CCDC9: variants seen among roughly 807,000 people sequenced by gnomAD.
The protein encoded by CCDC9 is coiled-coil domain containing 9.
In CCDC9, 52 loss-of-function variants were observed where a neutral mutation model predicts 65.6. That is an observed-to-expected ratio of 0.79 (90% CI 0.63 to 1.00). The LOEUF is 1.00. CCDC9 is among the 50% of genes least tolerant of loss of function. The pLI, the probability that CCDC9 is intolerant of heterozygous loss-of-function variation, is 0.00. For synonymous variants in CCDC9, 332 were observed against 280.3 expected (o/e 1.18, Z -1.84); for missense variants, 834 against 757.2 (o/e 1.10, Z -1.19).
intron 3 of CCDC9, 35 bp from the exon 4 acceptor site, chr19:47,260,286 C>T: frequency 6.8e-7 from 1 of 1,471,386 alleles, no homozygotes; most frequent in South Asian, 1.2e-5. Flanking sequence ...AGACAGGGCA[C>T]CTGATGCTTC....
At chr19:47,257,707 G>C (rs1046956371) in intron 1 of CCDC9, 10 of 153,388 alleles carry the variant, frequency 6.5e-5, no homozygotes, top group Admixed American at 1.3e-4. Flanking sequence ...GGAGGCTGTC[G>C]ACCTTCCGTA....
downstream of CCDC9, chr19:47,271,965 C>T (rs370986544): frequency 2.0e-4 from 257 of 1,273,938 alleles, 4 homozygotes; most frequent in South Asian, 7.0e-3. Flanking sequence ...GACATTCCCC[C>T]AGGTGTGTCC....
rs746173971 is a variant in CCDC9, at chr19:47,271,689, CTGTGTGTGTGTG to C, written c.*44_*55del. 237 of 1,127,750 alleles carry C rather than the reference CTGTGTGTGTGTG, an allele frequency of 2.1e-4. No individual in the cohort carries two copies. The highest frequency in any genetic ancestry group is 2.6e-4 in the Non-Finnish European group (210 of 804,478). The allele number at this position is 1,127,750 out of a possible 1,614,324, so 69.9% of individuals were successfully genotyped here. Reference sequence around the variant, plus strand: ...TTTGAGAGTGTATGAAGCTGGCTGCCTGTGTGTGTGTGTGTGTGTGTGTGTGTGTGTGTGTGT... The same window carrying C: ...TTTGAGAGTGTATGAAGCTGGCTGCCTGTGTGTGTGTGTGTGTGTGTGTGT... On this transcript the variant is annotated 3_prime_UTR_variant, in exon 12 of 12. Transcript: ENST00000221922.
intron 8 of CCDC9, 53 bp downstream of exon 8, chr19:47,266,845 A>T (rs758519801): frequency 1.9e-6 from 3 of 1,553,340 alleles, no homozygotes; most frequent in Non-Finnish European, 2.6e-6. Flanking sequence ...CTTGGCCCTG[A>T]CTTCTAAGTC....
chr19:47,261,664 A>C (rs1460223169), intron 5 of CCDC9, among the ~76,000 whole-genome samples: 3 of 144,862 alleles, frequency 2.1e-5, no homozygotes, highest in Non-Finnish European at 4.5e-5. Flanking sequence ...GTGAGCCGAG[A>C]TCATGCCACT....
chr19:47,264,929 C>T lies in CCDC9; in HGVS notation c.703C>T (p.Leu235Phe), dbSNP rs752063406. The change falls in exon 7 of 12, where the codon CTT becomes TTT. Residue 235 changes from leucine (L) to phenylalanine (F), a missense_variant. Physicochemically the swap from Leu to Phe is conservative, Grantham distance 22. Transcript: ENST00000221922. ...CGACTTCGAGCGGGTGCGCTGTGGCCTTGAGCACGAGCGGCAGGTGGGTGT... is the reference window on the plus strand; with the variant it reads ...CGACTTCGAGCGGGTGCGCTGTGGCTTTGAGCACGAGCGGCAGGTGGGTGT... ...GPDFERVRCG[L>F]EHERQGRRAG... 1.6e-5 allele frequency: 23 copies of T among 1,453,310 alleles called. No homozygotes were observed. Among genetic ancestry groups the T allele is most frequent in the Non-Finnish European group, 1.9e-5 (21 of 1,106,762 alleles). 90.0% of individuals were successfully genotyped at this position (1,453,310 alleles called of 1,614,324 possible). A position where few individuals can be genotyped will look rare whatever the true frequency, so the allele number is the denominator to read the frequency against.
At chr19:47,267,816 C>G (rs2059092384) in intron 8 of CCDC9, among the ~76,000 whole-genome samples, 1 of 152,084 alleles carries the variant, frequency 6.6e-6, no homozygotes, top group Admixed American at 6.6e-5. Flanking sequence ...ACTCAGATCC[C>G]TGAATGTCTC....
chr19:47,273,858 G>T (rs1373995053), downstream of CCDC9: 1 of 432,730 alleles, frequency 2.3e-6, no homozygotes. Context: ...GTTTCTGGAG[G>T]GGGCAGGCTG....
chr19:47,264,470 TGA>T (rs2059067072), intron 5 of CCDC9, 131 bp from the exon 6 acceptor site: 1 of 810,746 alleles, frequency 1.2e-6, no homozygotes, highest in African/African-American at 1.7e-5. Context: ...TGGAGCACGC[TGA>T]GAGCAAATGG....
downstream of CCDC9, chr19:47,272,236 G>C (rs1402681315): frequency 1.0e-5 from 10 of 998,872 alleles, no homozygotes; most frequent in South Asian, 3.5e-4. Flanking sequence ...AGAGGGCTTG[G>C]GGGGAGTGGG....
chr19:47,272,556 A>G (rs1347938258), downstream of CCDC9, among the ~76,000 whole-genome samples: 1 of 152,068 alleles, frequency 6.6e-6, no homozygotes, highest in African/African-American at 2.4e-5. Context: ...TGGGAGGCGG[A>G]GGCTGCAGTG....
At chr19:47,274,706 G>T (rs2059145095), downstream of CCDC9, 3 of 252,172 alleles carry the variant, frequency 1.2e-5, no homozygotes, top group East Asian at 7.2e-5. Context: ...AGGGGGGCGG[G>T]GTAGCACCTC....
chr19:47,268,553 A>G (rs1023310956), intron 8 of CCDC9, among the ~76,000 whole-genome samples: 1 of 152,200 alleles, frequency 6.6e-6, no homozygotes, highest in Non-Finnish European at 1.5e-5. Flanking sequence ...AGATGTTCTC[A>G]GCATTCACAA....
Position 47,270,391 on chromosome 19 carries a change from G to A in CCDC9, c.903-16G>A, listed in dbSNP as rs565297764. Reference sequence around the variant, plus strand: ...TGTTCCCCCAGCTGCCCGCTCACCCGTTATCTTTCCCCCAGGTTCAAGGAT... The same window carrying A: ...TGTTCCCCCAGCTGCCCGCTCACCCATTATCTTTCCCCCAGGTTCAAGGAT... On this transcript the variant is annotated splice_polypyrimidine_tract_variant and intron_variant, in intron 8 of 11. Coordinates refer to ENST00000221922, the MANE Select transcript of CCDC9 (RefSeq NM_015603.3). The A allele has an allele frequency of 1.1e-5, 18 of 1,613,810 alleles. No homozygotes were observed. Among genetic ancestry groups the A allele is most frequent in the Admixed American group, 6.7e-5 (4 of 59,976 alleles).
At chr19:47,275,618 C>T, downstream of CCDC9, 1 of 507,658 alleles carries the variant, frequency 2.0e-6, no homozygotes, top group Non-Finnish European at 3.5e-6. Context: ...GGATGCTGAG[C>T]ACAGAGCCCA....
chr19:47,270,544 C>A lies in CCDC9; in HGVS notation c.950-9C>A. The A allele has an allele frequency of 6.2e-7, 1 of 1,614,160 alleles. No individual in the cohort carries two copies. The highest frequency in any genetic ancestry group is 1.1e-5 in the South Asian group (1 of 91,082). On this transcript the variant is annotated splice_polypyrimidine_tract_variant and intron_variant, in intron 9 of 11. Coordinates refer to ENST00000221922, the MANE Select transcript of CCDC9 (RefSeq NM_015603.3). ...TTCCCTTCCCAATGACACCTGGGTT[C>A]TGTTGCAGATGACCAGGCCTGGGCC...
intron 3 of CCDC9, among the ~76,000 whole-genome samples, chr19:47,259,494 G>A (rs1197372942): frequency 2.0e-5 from 3 of 152,130 alleles, no homozygotes; most frequent in Non-Finnish European, 4.4e-5. Flanking sequence ...GGGCAGGGCT[G>A]TTGAGAGGGA....
Position 47,271,645 on chromosome 19 carries a change from C to T in CCDC9, c.1563C>T (p.Ser521=). 3.1e-6 allele frequency: 5 copies of T among 1,604,362 alleles called. No individual in the cohort carries two copies. The highest frequency in any genetic ancestry group is 4.3e-6 in the Non-Finnish European group (5 of 1,175,172). ...CCACTCACCTGGCTGGCGCCCTCTC[C>T]CCGGGTGAGGCCTGGCCTTTTGAGA... is the stretch of plus-strand genomic sequence containing the variant. ...PRTTHLAGAL[S]PGEAWPFESV is the part of the protein sequence containing the mutation. Residue 521 remains serine (S), a synonymous_variant, in exon 12 of 12, where the codon TCC becomes TCT. Coordinates refer to ENST00000221922, the MANE Select transcript of CCDC9 (RefSeq NM_015603.3).
In CCDC9 at chr19:47,264,910, C is replaced by T. The variant is rs762121355; in HGVS notation, c.684C>T (p.Phe228=). ...RHGRNWGGPD[F]ERVRCGLEHE... Reference sequence around the variant, plus strand: ...GCCGCAACTGGGGGGGCCCCGACTTCGAGCGGGTGCGCTGTGGCCTTGAGC... The same window carrying T: ...GCCGCAACTGGGGGGGCCCCGACTTTGAGCGGGTGCGCTGTGGCCTTGAGC... Residue 228 remains phenylalanine, a synonymous_variant, in exon 7 of 12, where the codon TTC becomes TTT. Transcript: ENST00000221922. 213 of 1,461,788 alleles carry T rather than the reference C, an allele frequency of 1.5e-4. 1 individual carries two copies. The highest frequency in any genetic ancestry group is 7.3e-4 in the South Asian group (51 of 69,690). The allele number at this position is 1,461,788 out of a possible 1,614,324, so 90.6% of individuals were successfully genotyped here.
Sources: allele counts gnomAD v4.1 joint callset (sites outside exome capture counted in the v4.1 genomes callset), GRCh38; gene constraint gnomAD v4.1.1; transcripts MANE v1.5; gene names NCBI Gene and HGNC (gene_info 2026-07-23, HGNC 2026-07-21).